NALF1: variants seen among roughly 807,000 people sequenced by gnomAD.
The protein encoded by NALF1 is family with sequence similarity 155 member A.
Under a neutral mutation model 48.4 loss-of-function variants are expected in NALF1, and 3 were observed. The ratio of observed to expected loss-of-function variants is 0.06; its 90% CI spans 0.03 to 0.16. The LOEUF (loss-of-function observed/expected upper bound fraction) is 0.16, where lower values mean the gene tolerates loss of function less well. NALF1 is among the 10% of genes least tolerant of loss of function. NALF1 has a pLI of 1.00. For synonymous variants in NALF1, 262 were observed against 245.7 expected (o/e 1.07, Z -0.62); for missense variants, 526 against 571.5 (o/e 0.92, Z 0.81).
chr13:107,336,784 T>C (rs1252256521), intron 1 of NALF1, among the ~76,000 whole-genome samples: 2 of 152,082 alleles, frequency 1.3e-5, no homozygotes, highest in African/African-American at 4.8e-5. Flanking sequence ...CATAAATGAG[T>C]TGATTTGAAG....
At chr13:107,544,630 C>G (rs680293) in intron 1 of NALF1, among the ~76,000 whole-genome samples, 55,729 of 151,868 alleles carry the variant, frequency 0.37, 10,393 homozygotes, top group African/African-American at 0.42. Flanking sequence ...ACTCGATAGC[C>G]ATGACCCTTC....
intron 1 of NALF1, among the ~76,000 whole-genome samples, chr13:107,703,225 T>G (rs1332266026): frequency 2.0e-5 from 3 of 152,200 alleles, no homozygotes; most frequent in Admixed American, 1.3e-4. Flanking sequence ...AATATCTTAG[T>G]TAAATTAATA....
At chr13:107,665,810 AG>A (rs1880844339) in intron 1 of NALF1, among the ~76,000 whole-genome samples, 1 of 152,178 alleles carries the variant, frequency 6.6e-6, no homozygotes. Flanking sequence ...AAAATGAAAA[AG>A]ATAAACTTTA....
At chr13:107,857,030 C>A (rs898114395) in intron 1 of NALF1, among the ~76,000 whole-genome samples, 1 of 152,204 alleles carries the variant, frequency 6.6e-6, no homozygotes, top group East Asian at 1.9e-4. Flanking sequence ...AGTAAGACTT[C>A]CTTCCACAGG....
At chr13:107,828,602 TCTATACACAC>T (rs1301532934) in intron 1 of NALF1, among the ~76,000 whole-genome samples, 2,061 of 43,324 alleles carry the variant, frequency 0.048, 31 homozygotes, top group Middle Eastern at 0.14. Context: ...TATATCTATA[TCTATACACAC>T]ACACACACAC....
rs1043088938 is a variant in NALF1, at chr13:107,168,287, C to T, written c.*2210G>A. Reference sequence around the variant, plus strand: ...CTCGTCCCCCCAGCGCCATTGAAATCTGTATTCCACCATTGGTTGGGATAC... The same window carrying T: ...CTCGTCCCCCCAGCGCCATTGAAATTTGTATTCCACCATTGGTTGGGATAC... On this transcript the variant is annotated 3_prime_UTR_variant, in exon 3 of 3. Coordinates refer to ENST00000375915, the MANE Select transcript of NALF1 (RefSeq NM_001080396.3). 6.6e-6 allele frequency: 1 copy of T among 152,208 alleles called. No individual in the cohort carries two copies. Among genetic ancestry groups the T allele is most frequent in the African/African-American group, 2.4e-5 (1 of 41,452 alleles). The allele number at this position is 152,208 out of a possible 1,614,324, so 9.4% of individuals were successfully genotyped here.
In NALF1 at chr13:107,865,791, T is replaced by A. The variant is rs779837226; in HGVS notation, c.806A>T (p.Gln269Leu). The A allele has an allele frequency of 6.2e-7, 1 of 1,614,098 alleles. No homozygotes were observed. The change falls in exon 1 of 3, where the codon CAG (glutamine) becomes CTG (leucine). Residue 269 changes from glutamine to leucine, a missense_variant. Gln to Leu is a moderately radical substitution (Grantham distance 113). Transcript: ENST00000375915. ...TTCRQCVEAY[Q>L]DYDHHAQEKY... The stretch of plus-strand genomic sequence containing the variant: ...CTCCTGAGCATGGTGGTCATAGTCC[T>A]GGTAAGCCTCGACGCACTGCCTGCA...
At chr13:107,837,652 G>T (rs1203711576) in intron 1 of NALF1, among the ~76,000 whole-genome samples, 1 of 151,824 alleles carries the variant, frequency 6.6e-6, no homozygotes, top group African/African-American at 2.4e-5. Flanking sequence ...ATCTGGGGAG[G>T]GTTTTGGGAC....
intron 1 of NALF1, among the ~76,000 whole-genome samples, chr13:107,243,204 G>A (rs1189827059): frequency 1.3e-5 from 2 of 152,116 alleles, no homozygotes; most frequent in Admixed American, 6.5e-5. Flanking sequence ...AAAGTCTGCC[G>A]CTGCGTCTAT....
chr13:107,775,100 A>C (rs1317796045), intron 1 of NALF1, among the ~76,000 whole-genome samples: 1 of 152,112 alleles, frequency 6.6e-6, no homozygotes, highest in African/African-American at 2.4e-5. Flanking sequence ...ACATGTGCAC[A>C]ATGTGCACGT....
intron 1 of NALF1, among the ~76,000 whole-genome samples, chr13:107,685,392 C>T (rs973905694): frequency 3.3e-5 from 5 of 152,190 alleles, no homozygotes; most frequent in African/African-American, 9.6e-5. Context: ...TTTGTTTCCA[C>T]AATACTACCA....
chr13:107,531,008 T>C (rs999411454), intron 1 of NALF1, among the ~76,000 whole-genome samples: 2 of 95,568 alleles, frequency 2.1e-5, no homozygotes, highest in African/African-American at 6.4e-5. Context: ...TGCTGAACAT[T>C]GTCATTCACA....
chr13:107,318,168 C>T (rs1882186732), intron 1 of NALF1, among the ~76,000 whole-genome samples: 1 of 152,006 alleles, frequency 6.6e-6, no homozygotes, highest in Admixed American at 6.6e-5. Context: ...TTAAAAAAGT[C>T]CTAAGCAATT....
intron 1 of NALF1, among the ~76,000 whole-genome samples, chr13:107,654,158 A>G (rs1880518027): frequency 1.3e-5 from 2 of 152,144 alleles, no homozygotes; most frequent in Non-Finnish European, 2.9e-5. Flanking sequence ...CAAGAAAAAA[A>G]GAGAGAAGAT....
At chr13:107,375,037 T>G (rs904212114) in intron 1 of NALF1, among the ~76,000 whole-genome samples, 2 of 152,196 alleles carry the variant, frequency 1.3e-5, no homozygotes, top group Non-Finnish European at 2.9e-5. Flanking sequence ...TCTAACTGTA[T>G]AAACTGCTCA....
At chr13:107,270,000 G>A (rs1270302290) in intron 1 of NALF1, among the ~76,000 whole-genome samples, 1 of 136,966 alleles carries the variant, frequency 7.3e-6, no homozygotes, top group African/African-American at 2.8e-5. Flanking sequence ...TCGATTTCCT[G>A]ACCTCGTGAT....
intron 1 of NALF1, among the ~76,000 whole-genome samples, chr13:107,513,296 A>G (rs1301896781): frequency 6.6e-6 from 1 of 152,150 alleles, no homozygotes; most frequent in African/African-American, 2.4e-5. Context: ...ATCTGAAGTT[A>G]TTTTTTCAAC....
intron 1 of NALF1, among the ~76,000 whole-genome samples, chr13:107,365,935 GA>G (rs1241314964): frequency 6.6e-6 from 1 of 152,190 alleles, no homozygotes; most frequent in East Asian, 1.9e-4. Context: ...GATGAAATCG[GA>G]AGTTCAATTA....
At chr13:107,335,635 ACTT>A (rs1882541678) in intron 1 of NALF1, among the ~76,000 whole-genome samples, 1 of 152,292 alleles carries the variant, frequency 6.6e-6, no homozygotes, top group African/African-American at 2.4e-5. Flanking sequence ...AGTTGATTGT[ACTT>A]CTTTTAACCT....
Sources: gnomAD v4.1 joint callset for allele counts (sites outside exome capture counted in the v4.1 genomes callset) on GRCh38, gnomAD v4.1.1 for gene constraint, MANE v1.5 for transcripts, NCBI Gene and HGNC (gene_info 2026-07-23, HGNC 2026-07-21) for gene names.